Variants in LYPLAL1 observed in about 807,000 individuals in gnomAD.
The protein encoded by LYPLAL1 is lysophospholipase like 1.
Under a neutral mutation model 19.7 loss-of-function variants are expected in LYPLAL1, and 23 were observed. The observed-to-expected ratio is 1.17, with a 90% CI of 0.84 to 1.65. The LOEUF is 1.65. Ranked by LOEUF, LYPLAL1 falls within the 40% of genes most tolerant of loss-of-function variation. LYPLAL1 has a pLI of 0.00. For synonymous variants in LYPLAL1, 119 were observed against 96.3 expected (o/e 1.24, Z -1.38); for missense variants, 355 against 279.4 (o/e 1.27, Z -1.93).
chr1:219,293,443 C>G, the LYPLAL1 span, among the ~76,000 whole-genome samples: 1 of 152,152 alleles, frequency 6.6e-6, no homozygotes, highest in Admixed American at 6.5e-5. Context: ...AATATAGTCT[C>G]TCTCCCCCCA....
At chr1:219,351,965 C>G in the LYPLAL1 span, among the ~76,000 whole-genome samples, 12 of 152,198 alleles carry the variant, frequency 7.9e-5, no homozygotes, top group Non-Finnish European at 1.6e-4. Context: ...GGCTTTGTAA[C>G]TTCTAATTCT....
the LYPLAL1 span, among the ~76,000 whole-genome samples, chr1:219,306,811 T>TATAGATAG: frequency 0.03 from 3,950 of 132,450 alleles, 77 homozygotes; most frequent in African/African-American, 0.039. Flanking sequence ...CATAGATAGA[T>TATAGATAG]ATAGATAGAT....
At chr1:219,227,684 T>C in the LYPLAL1 span, among the ~76,000 whole-genome samples, 1 of 152,338 alleles carries the variant, frequency 6.6e-6, no homozygotes, top group East Asian at 1.9e-4. Context: ...ATTTAAAAAA[T>C]TTAATCTTAG....
the LYPLAL1 span, among the ~76,000 whole-genome samples, chr1:219,322,624 A>G: frequency 6.6e-6 from 1 of 152,138 alleles, no homozygotes; most frequent in African/African-American, 2.4e-5. Flanking sequence ...ACTTCTAAGA[A>G]GTAAAGAAGG....
chr1:219,397,041 G>C, the LYPLAL1 span, among the ~76,000 whole-genome samples: 6 of 152,136 alleles, frequency 3.9e-5, no homozygotes, highest in African/African-American at 1.4e-4. Flanking sequence ...TATGATGTTG[G>C]CTATGGATTT....
intron 2 of LYPLAL1, among the ~76,000 whole-genome samples, chr1:219,181,398 G>GTTCCCATCTACAGTAGATCTA (rs1461364197): frequency 1.3e-5 from 2 of 152,096 alleles, no homozygotes; most frequent in Non-Finnish European, 2.9e-5. Flanking sequence ...CAGTAGATTG[G>GTTCCCATCTACAGTAGATCTA]GAGCCACTGT....
At chr1:219,263,368 T>C in the LYPLAL1 span, among the ~76,000 whole-genome samples, 1 of 152,148 alleles carries the variant, frequency 6.6e-6, no homozygotes, top group African/African-American at 2.4e-5. Flanking sequence ...GCCAAGTTTA[T>C]ATCCAGGCAG....
chr1:219,176,532 G>A (rs1655825131), intron 1 of LYPLAL1, among the ~76,000 whole-genome samples: 1 of 152,110 alleles, frequency 6.6e-6, no homozygotes, highest in South Asian at 2.1e-4. Flanking sequence ...TCTGCATTCA[G>A]CTTTCTTCTC....
chr1:219,296,063 A>C, the LYPLAL1 span, among the ~76,000 whole-genome samples: 2 of 152,354 alleles, frequency 1.3e-5, no homozygotes, highest in East Asian at 3.9e-4. Flanking sequence ...TCTGATAAAT[A>C]ATAAATTAAT....
At chr1:219,175,189 G>A in intron 1 of LYPLAL1, 1 of 757,068 alleles carries the variant, frequency 1.3e-6, no homozygotes. Flanking sequence ...GGCGGATTTG[G>A]GATTAGAACC....
the LYPLAL1 span, among the ~76,000 whole-genome samples, chr1:219,229,293 T>TAGAGAGAGAG: frequency 8.3e-5 from 7 of 84,074 alleles, no homozygotes; most frequent in African/African-American, 3.8e-4. Flanking sequence ...GACAAGCATT[T>TAGAGAGAGAG]TGAGAGAGAG....
chr1:219,220,933 G>A, the LYPLAL1 span, among the ~76,000 whole-genome samples: 3 of 152,172 alleles, frequency 2.0e-5, no homozygotes, highest in Non-Finnish European at 4.4e-5. Flanking sequence ...GTTAATTGCA[G>A]TAAGGCAGCA....
the LYPLAL1 span, among the ~76,000 whole-genome samples, chr1:219,380,363 A>G: frequency 6.6e-6 from 1 of 152,244 alleles, no homozygotes; most frequent in Non-Finnish European, 1.5e-5. Flanking sequence ...ACCACGGCAC[A>G]GTTGGCGTAG....
chr1:219,355,139 A>T, the LYPLAL1 span, among the ~76,000 whole-genome samples: 1 of 152,222 alleles, frequency 6.6e-6, no homozygotes, highest in South Asian at 2.1e-4. Context: ...TCTCTACATA[A>T]CCAACACAGT....
At chr1:219,309,742 T>TA in the LYPLAL1 span, among the ~76,000 whole-genome samples, 1 of 152,220 alleles carries the variant, frequency 6.6e-6, no homozygotes, top group Non-Finnish European at 1.5e-5. Context: ...TGTGGAACTG[T>TA]AAGTTCAATT....
chr1:219,264,062 T>C, the LYPLAL1 span, among the ~76,000 whole-genome samples: 1 of 152,164 alleles, frequency 6.6e-6, no homozygotes, highest in Non-Finnish European at 1.5e-5. Context: ...TGCCATTTTC[T>C]CTCCTTAATC....
At chr1:219,259,190 T>C in the LYPLAL1 span, among the ~76,000 whole-genome samples, 3 of 152,036 alleles carry the variant, frequency 2.0e-5, no homozygotes, top group African/African-American at 7.2e-5. Flanking sequence ...ACAACCACTA[T>C]GGAAAACAAT....
chr1:219,417,692 G>A, the LYPLAL1 span, among the ~76,000 whole-genome samples: 1 of 152,254 alleles, frequency 6.6e-6, no homozygotes, highest in Non-Finnish European at 1.5e-5. Flanking sequence ...CACTAGGAAT[G>A]TGTGTCCTTT....
the LYPLAL1 span, among the ~76,000 whole-genome samples, chr1:219,227,365 C>T: frequency 2.0e-5 from 3 of 152,098 alleles, no homozygotes; most frequent in Non-Finnish European, 4.4e-5. Flanking sequence ...GTGTCTGTTT[C>T]GATATTGTGT....
Sources: gnomAD v4.1 joint callset for allele counts (sites outside exome capture counted in the v4.1 genomes callset) on GRCh38, gnomAD v4.1.1 for gene constraint, MANE v1.5 for transcripts, NCBI Gene and HGNC (gene_info 2026-07-23, HGNC 2026-07-21) for gene names.